HS3ST5: variants seen among roughly 807,000 people sequenced by gnomAD.
HS3ST5 encodes heparan sulfate glucosamine 3-O-sulfotransferase 5.
HS3ST5 carries 10 observed loss-of-function variants against 25.4 expected under a neutral mutation model. The ratio of observed to expected loss-of-function variants is 0.39; its 90% CI spans 0.24 to 0.67. The LOEUF (loss-of-function observed/expected upper bound fraction) is 0.67, where lower values mean the gene tolerates loss of function less well. Among genes scored for constraint, HS3ST5 ranks in the 30% least tolerant of loss-of-function variants. The pLI is 0.44. For synonymous variants in HS3ST5, 170 were observed against 162.4 expected, an observed-to-expected ratio of 1.05 and a Z score of -0.36; for missense variants, 324 against 420.7, an observed-to-expected ratio of 0.77 and a Z score of 2.01.
At chr6:114,082,861 G>C (rs1345917160) in intron 3 of HS3ST5, among the ~76,000 whole-genome samples, 1 of 152,048 alleles carries the variant, frequency 6.6e-6, no homozygotes, top group Non-Finnish European at 1.5e-5. Flanking sequence ...TAGCCAACTG[G>C]AATTAGTTTA....
chr6:114,100,552 A>G (rs1402110757), intron 3 of HS3ST5, among the ~76,000 whole-genome samples: 1 of 152,054 alleles, frequency 6.6e-6, no homozygotes. Flanking sequence ...ATTTCTTCCT[A>G]TTGGGCTTGA....
chr6:114,292,928 C>T (rs1024381002), intron 1 of HS3ST5, among the ~76,000 whole-genome samples: 4 of 151,178 alleles, frequency 2.6e-5, no homozygotes, highest in African/African-American at 9.7e-5. Flanking sequence ...TATTGTATTG[C>T]TATTTTTTGT....
chr6:114,196,714 G>A (rs1005453293), intron 2 of HS3ST5, among the ~76,000 whole-genome samples: 1 of 151,844 alleles, frequency 6.6e-6, no homozygotes, highest in Admixed American at 6.6e-5. Flanking sequence ...GGAAGTAAGA[G>A]TCACTTGATA....
At chr6:114,091,097 C>T (rs915013507) in intron 3 of HS3ST5, among the ~76,000 whole-genome samples, 1 of 152,160 alleles carries the variant, frequency 6.6e-6, no homozygotes, top group African/African-American at 2.4e-5. Flanking sequence ...TATTTATTTT[C>T]CAATTCTTTG....
intron 3 of HS3ST5, among the ~76,000 whole-genome samples, chr6:114,155,555 C>T (rs1483509345): frequency 2.6e-5 from 4 of 152,216 alleles, no homozygotes; most frequent in Non-Finnish European, 5.9e-5. Flanking sequence ...GACTTAATTT[C>T]TCAGATTCTG....
At chr6:114,123,078 C>T (rs551717261) in intron 3 of HS3ST5, among the ~76,000 whole-genome samples, 2 of 152,268 alleles carry the variant, frequency 1.3e-5, no homozygotes, top group Non-Finnish European at 1.5e-5. Context: ...TCAGCCTTTC[C>T]GAGTAGCTGG....
chr6:114,335,788 G>A (rs920226327), intron 1 of HS3ST5, among the ~76,000 whole-genome samples: 1 of 151,962 alleles, frequency 6.6e-6, no homozygotes, highest in Admixed American at 6.6e-5. Flanking sequence ...CTGAGTAGCT[G>A]GGATACAGGC....
At chr6:114,068,338 A>C (rs1442994824) in intron 3 of HS3ST5, among the ~76,000 whole-genome samples, 2 of 152,236 alleles carry the variant, frequency 1.3e-5, no homozygotes, top group African/African-American at 2.4e-5. Context: ...GTGAAATCTC[A>C]TTCTGTTTTG....
intron 1 of HS3ST5, among the ~76,000 whole-genome samples, chr6:114,303,444 A>G (rs1378583531): frequency 7.0e-6 from 1 of 141,984 alleles, no homozygotes; most frequent in Non-Finnish European, 1.5e-5. Flanking sequence ...TAAGCAAAAT[A>G]TATCATACTG....
At chr6:114,125,690 T>A (rs919819898) in intron 3 of HS3ST5, among the ~76,000 whole-genome samples, 8 of 152,168 alleles carry the variant, frequency 5.3e-5, no homozygotes, top group African/African-American at 1.9e-4. Context: ...ACCTGATTAA[T>A]AGATACCCAC....
At chr6:114,253,995 A>ATT (rs969273674) in intron 1 of HS3ST5, among the ~76,000 whole-genome samples, 16 of 152,162 alleles carry the variant, frequency 1.1e-4, no homozygotes, top group African/African-American at 3.4e-4. Flanking sequence ...GTGTGAGAAA[A>ATT]TGCAAGGCAG....
intron 3 of HS3ST5, among the ~76,000 whole-genome samples, chr6:114,161,258 C>T (rs1159856802): frequency 6.6e-6 from 1 of 151,414 alleles, no homozygotes; most frequent in African/African-American, 2.4e-5. Flanking sequence ...GTGTTGGCTG[C>T]CATAAAATCA....
chr6:114,268,536 C>T (rs192843268), intron 1 of HS3ST5, among the ~76,000 whole-genome samples: 285 of 152,204 alleles, frequency 1.9e-3, no homozygotes, highest in African/African-American at 6.6e-3. Flanking sequence ...ACAGTATGAG[C>T]GCTGACCAAT....
intron 1 of HS3ST5, among the ~76,000 whole-genome samples, chr6:114,293,812 G>C (rs2114783283): frequency 6.6e-6 from 1 of 152,280 alleles, no homozygotes; most frequent in African/African-American, 2.4e-5. Context: ...GACCCCAAAA[G>C]AAGAAAGAGC....
intron 2 of HS3ST5, among the ~76,000 whole-genome samples, chr6:114,195,400 G>T (rs1048556058): frequency 6.6e-6 from 1 of 152,148 alleles, no homozygotes; most frequent in African/African-American, 2.4e-5. Context: ...CACTAAGCAG[G>T]TAAATGTGTG....
intron 3 of HS3ST5, among the ~76,000 whole-genome samples, chr6:114,089,606 GTTAAC>G (rs1181549740): frequency 1.3e-5 from 2 of 152,194 alleles, no homozygotes; most frequent in Non-Finnish European, 2.9e-5. Flanking sequence ...ACTCAAAGAA[GTTAAC>G]TTAAACTGAT....
At chr6:114,263,758 C>A (rs1773281546) in intron 1 of HS3ST5, among the ~76,000 whole-genome samples, 1 of 152,172 alleles carries the variant, frequency 6.6e-6, no homozygotes, top group African/African-American at 2.4e-5. Flanking sequence ...CATCTCTGGT[C>A]TCCTTTCAAA....
chr6:114,256,952 A>T (rs1772953218), intron 1 of HS3ST5, among the ~76,000 whole-genome samples: 1 of 152,246 alleles, frequency 6.6e-6, no homozygotes. Context: ...GAGGCCTCGC[A>T]ATCATGGCAG....
intron 2 of HS3ST5, among the ~76,000 whole-genome samples, chr6:114,211,594 C>A (rs942380988): frequency 6.6e-6 from 1 of 152,046 alleles, no homozygotes; most frequent in Non-Finnish European, 1.5e-5. Context: ...TAAAATTATG[C>A]CATATTCTAT....
Sources: gnomAD v4.1 joint callset for allele counts (sites outside exome capture counted in the v4.1 genomes callset) on GRCh38, gnomAD v4.1.1 for gene constraint, MANE v1.5 for transcripts, NCBI Gene and HGNC (gene_info 2026-07-23, HGNC 2026-07-21) for gene names.